DOCK11: variants seen among roughly 807,000 people sequenced by gnomAD.
DOCK11 encodes dedicator of cytokinesis 11, also known as dedicator of cytokinesis protein 11.
In DOCK11, 70 loss-of-function variants were observed where a neutral mutation model predicts 169.1. That is an observed-to-expected ratio of 0.41 (90% CI 0.34 to 0.51). The LOEUF (loss-of-function observed/expected upper bound fraction) is 0.51, where lower values mean the gene tolerates loss of function less well. Among genes scored for constraint, DOCK11 ranks in the 20% least tolerant of loss-of-function variants. The pLI is 0.10. For synonymous variants in DOCK11, 529 were observed against 541.3 expected, an observed-to-expected ratio of 0.98 and a Z score of 0.32; for missense variants, 1,166 against 1,538.8, an observed-to-expected ratio of 0.76 and a Z score of 4.05.
In DOCK11 at chrX:118,672,944, A is replaced by G. The variant is rs184676244; in HGVS notation, c.5199+1799A>G. ...ATATGGGGCATGCCTGAAAACTCAT[A>G]GTAGAATTCAAGTGAATATATTAAT... On this transcript the variant is annotated intron_variant, in intron 46 of 52. Coordinates refer to ENST00000276202, the MANE Select transcript of DOCK11 (RefSeq NM_144658.4). Among the ~76,000 whole-genome samples the G allele has an allele frequency of 1.2e-3, 136 of 112,234 alleles. 4 individuals carry two copies. The South Asian group carries it at 0.027, about 22-fold the overall frequency.
chrX:118,597,594 G>A lies in DOCK11; in HGVS notation c.2385+42G>A, dbSNP rs775770159. On this transcript the variant is annotated intron_variant, in intron 21 of 52. Coordinates refer to ENST00000276202, the MANE Select transcript of DOCK11 (RefSeq NM_144658.4). ...TTTGTTGAAGTAATCATGATTAAAT[G>A]TGCAAAAAATAGAATTCTGTTGGTC... is the stretch of plus-strand genomic sequence containing the variant. The A allele has an allele frequency of 6.7e-6, 8 of 1,199,220 alleles. No individual in the cohort carries two copies. The East Asian group carries it at 2.1e-4, about 31-fold the overall frequency.
rs201814006 is a variant in DOCK11 at position 118,564,638 on chromosome X, A to ATTC, written c.694-1355_694-1353dup. On this transcript the variant is annotated intron_variant, in intron 7 of 52. Coordinates refer to ENST00000276202, the MANE Select transcript of DOCK11 (RefSeq NM_144658.4). The stretch of plus-strand genomic sequence containing the variant: ...TTTTTTCTTTCTTTTTTACCAAGCC[A>ATTC]TTCTTCTTCTTCTTTGCTTGCTTGC... Among the ~76,000 whole-genome samples, 361 of 110,741 alleles carry ATTC rather than the reference A, an allele frequency of 3.3e-3. 1 individual carries two copies. The highest frequency in any genetic ancestry group is 0.011 in the African/African-American group (332 of 30,526).
chrX:118,594,242 G>C lies in DOCK11; in HGVS notation c.2263+905G>C, dbSNP rs1375319454. 2.7e-5 allele frequency among the ~76,000 whole-genome samples: 3 copies of C among 112,195 alleles called. No individual in the cohort carries two copies. In the Admixed American group the frequency reaches 2.8e-4, roughly 11 times the overall value. On this transcript the variant is annotated intron_variant, in intron 20 of 52. Transcript: ENST00000276202. ...ATAGAAGGCCTTGTGAACACAGCTT[G>C]TATCACAAGCACTTTACGAACATCA...
chrX:118,631,958 A>C (rs2015253302), intron 35 of DOCK11, among the ~76,000 whole-genome samples: 1 of 110,367 alleles, frequency 9.1e-6, no homozygotes, highest in Non-Finnish European at 1.9e-5. Flanking sequence ...TAAAACCATG[A>C]CTGTTTTTGT....
At chrX:118,572,300 G>T in intron 10 of DOCK11, 23 bp from the exon 11 acceptor site, 1 of 1,109,204 alleles carries the variant, frequency 9.0e-7, no homozygotes, top group South Asian at 2.4e-5. Flanking sequence ...TTTTGAAAAT[G>T]ATTCATACTA....
intron 50 of DOCK11, 27 bp from the exon 51 acceptor site, chrX:118,681,665 ACT>A (rs767335674): frequency 1.1e-4 from 119 of 1,037,405 alleles, no homozygotes; most frequent in Non-Finnish European, 1.5e-4. Flanking sequence ...TTCTGGAAAC[ACT>A]CTCATTTTTC....
At chrX:118,558,359 A>C (rs181972839) in intron 6 of DOCK11, among the ~76,000 whole-genome samples, 3 of 111,802 alleles carry the variant, frequency 2.7e-5, no homozygotes, top group Non-Finnish European at 3.8e-5. Flanking sequence ...AGAGGCATTA[A>C]AAGAATTAGC....
At chrX:118,630,288 C>A in intron 34 of DOCK11, 91 bp from the exon 35 acceptor site, 2 of 515,460 alleles carry the variant, frequency 3.9e-6, no homozygotes, top group Non-Finnish European at 3.2e-6. Flanking sequence ...AGAATTTTCC[C>A]AAACAGATCT....
chrX:118,504,513 T>G (rs918939026), intron 1 of DOCK11, among the ~76,000 whole-genome samples: 8 of 112,226 alleles, frequency 7.1e-5, no homozygotes, highest in African/African-American at 2.3e-4. Context: ...CTGATTGTGC[T>G]TTCTCCTGAG....
intron 40 of DOCK11, among the ~76,000 whole-genome samples, chrX:118,646,341 TAAC>T (rs971716164): frequency 9.2e-6 from 1 of 108,158 alleles, no homozygotes; most frequent in Non-Finnish European, 1.9e-5. Flanking sequence ...AGAAGAAGAA[TAAC>T]AACAACAACA....
At chrX:118,527,423 G>A (rs2011402475) in intron 1 of DOCK11, among the ~76,000 whole-genome samples, 1 of 112,048 alleles carries the variant, frequency 8.9e-6, no homozygotes, top group East Asian at 2.8e-4. Context: ...TTTGTTGGTG[G>A]ATACATCTTG....
At chrX:118,613,010 A>G (rs991368528) in intron 28 of DOCK11, among the ~76,000 whole-genome samples, 5 of 112,078 alleles carry the variant, frequency 4.5e-5, no homozygotes, top group African/African-American at 1.6e-4. Flanking sequence ...CGCGTGGCAC[A>G]ATCCACTTAT....
intron 1 of DOCK11, among the ~76,000 whole-genome samples, chrX:118,499,521 C>T (rs1210366105): frequency 8.9e-6 from 1 of 111,852 alleles, no homozygotes; most frequent in Non-Finnish European, 1.9e-5. Context: ...TGTTGACTCC[C>T]CCAACCCGCC....
intron 1 of DOCK11, among the ~76,000 whole-genome samples, chrX:118,518,797 G>A (rs911891645): frequency 1.3e-4 from 15 of 111,520 alleles, no homozygotes; most frequent in Non-Finnish European, 2.6e-4. Flanking sequence ...TGTCATTGTA[G>A]GGTCATCAAT....
intron 24 of DOCK11, 32 bp from the exon 25 acceptor site, chrX:118,608,040 T>G: frequency 5.4e-5 from 61 of 1,124,118 alleles, no homozygotes; most frequent in Non-Finnish European, 7.0e-5. Flanking sequence ...CATTATAGCA[T>G]GACATGCTGA....
Position 118,658,617 on chromosome X carries a change from C to T in DOCK11, c.4969+3656C>T, listed in dbSNP as rs746592653. On this transcript the variant is annotated intron_variant, in intron 44 of 52. Coordinates refer to ENST00000276202, the MANE Select transcript of DOCK11 (RefSeq NM_144658.4). ...TCAAACTTCTTTCAGGCAGCCTGAG[C>T]TCTTGCTTGTTCTACCAAAGAGACT... 5.3e-4 allele frequency among the ~76,000 whole-genome samples: 60 copies of T among 112,171 alleles called. 3 individuals are homozygous for T. The East Asian group carries it at 9.3e-3, about 17-fold the overall frequency.
intron 30 of DOCK11, among the ~76,000 whole-genome samples, chrX:118,617,632 C>T (rs1226890344): frequency 9.1e-6 from 1 of 110,383 alleles, no homozygotes; most frequent in Non-Finnish European, 1.9e-5. Flanking sequence ...TTAATCCCAG[C>T]ACTTCGGGAG....
At chrX:118,569,834 T>G (rs1382531572) in intron 10 of DOCK11, among the ~76,000 whole-genome samples, 2 of 110,804 alleles carry the variant, frequency 1.8e-5, no homozygotes, top group Non-Finnish European at 3.8e-5. Flanking sequence ...CATGTCTGAG[T>G]CTTTGATCCT....
At chrX:118,526,588 A>C (rs1460713087) in intron 1 of DOCK11, among the ~76,000 whole-genome samples, 1 of 112,292 alleles carries the variant, frequency 8.9e-6, no homozygotes, top group Non-Finnish European at 1.9e-5. Flanking sequence ...CAGTAGTGCC[A>C]GTACATTCCT....
Sources: gnomAD v4.1 joint callset for allele counts (sites outside exome capture counted in the v4.1 genomes callset) on GRCh38, gnomAD v4.1.1 for gene constraint, MANE v1.5 for transcripts, NCBI Gene and HGNC (gene_info 2026-07-23, HGNC 2026-07-21) for gene names.